The following LMBRD1 variants were observed in gnomAD, a reference collection of about 807,000 sequenced individuals.
LMBRD1 encodes the protein lysosomal cobalamin transport escort protein LMBD1.
In LMBRD1, 64 loss-of-function variants were observed where a neutral mutation model predicts 74.8. That is an observed-to-expected ratio of 0.86 (90% CI 0.70 to 1.05). LMBRD1 has a LOEUF of 1.05. Ranked by LOEUF, LMBRD1 falls within the 50% of genes least tolerant of loss-of-function variation. The pLI, the probability that LMBRD1 is intolerant of heterozygous loss-of-function variation, is 0.00. For missense variants in LMBRD1, 652 were observed against 645.9 expected (o/e 1.01, Z -0.10); for synonymous variants, 204 against 216.3 (o/e 0.94, Z 0.50).
chr6:69,714,592 A>AT (rs1265657414), intron 8 of LMBRD1, among the ~76,000 whole-genome samples: 3 of 152,166 alleles, frequency 2.0e-5, no homozygotes, highest in Non-Finnish European at 4.4e-5. Flanking sequence ...ATAGGATTAC[A>AT]TTTTTAAAGT....
intron 3 of LMBRD1, among the ~76,000 whole-genome samples, chr6:69,777,936 T>G (rs887264224): frequency 1.3e-5 from 2 of 152,202 alleles, no homozygotes; most frequent in Non-Finnish European, 2.9e-5. Flanking sequence ...TTAGATAGTA[T>G]CTAGCATTTG....
At chr6:69,786,613 A>G (rs989259260) in intron 2 of LMBRD1, among the ~76,000 whole-genome samples, 1 of 152,182 alleles carries the variant, frequency 6.6e-6, no homozygotes, top group Non-Finnish European at 1.5e-5. Context: ...TCTGTTATCT[A>G]AAAAGTTAAT....
intron 9 of LMBRD1, among the ~76,000 whole-genome samples, chr6:69,707,824 A>C (rs959214754): frequency 6.6e-6 from 1 of 152,140 alleles, no homozygotes; most frequent in African/African-American, 2.4e-5. Context: ...ATCACTAGGG[A>C]ATGGAGAATT....
At chr6:69,735,898 T>A (rs1766966832) in intron 7 of LMBRD1, among the ~76,000 whole-genome samples, 1 of 152,236 alleles carries the variant, frequency 6.6e-6, no homozygotes, top group Non-Finnish European at 1.5e-5. Context: ...CCTTGTCAAC[T>A]GAATTCCAGC....
At chr6:69,708,065 A>G (rs1016993983) in intron 9 of LMBRD1, among the ~76,000 whole-genome samples, 1 of 152,198 alleles carries the variant, frequency 6.6e-6, no homozygotes, top group African/African-American at 2.4e-5. Context: ...AGAAGTATAT[A>G]TAGTAAAATC....
At chr6:69,745,275 G>A (rs189011751) in intron 5 of LMBRD1, among the ~76,000 whole-genome samples, 396 of 140,138 alleles carry the variant, frequency 2.8e-3, no homozygotes, top group Admixed American at 4.6e-3. Flanking sequence ...TTTTTGAGAC[G>A]GAGTCTCGCT....
rs147332780 is a variant in LMBRD1 at position 69,678,140 on chromosome 6, T to C, written c.1418-1599A>G. 4.6e-5 allele frequency among the ~76,000 whole-genome samples: 7 copies of C among 152,286 alleles called. No individual in the cohort carries two copies. In the East Asian group the frequency reaches 1.2e-3, roughly 25 times the overall value. On this transcript the variant is annotated intron_variant, in intron 14 of 15. Coordinates refer to ENST00000649934, the MANE Select transcript of LMBRD1 (RefSeq NM_018368.4). The stretch of plus-strand genomic sequence containing the variant: ...CCTTACTGATAACACGAACTATAGA[T>C]TGACACATATTTTGTATGTTATGTA...
In LMBRD1 at chr6:69,739,055, C is replaced by T. The variant is rs545382796; in HGVS notation, c.563-1040G>A. On this transcript the variant is annotated intron_variant, in intron 6 of 15. Transcript: ENST00000649934. ...TTATCAAATCAAAGACATTTTGATG[C>T]TGTTACTTTACTGATCATACCAGAA... is the stretch of plus-strand genomic sequence containing the variant. Among the ~76,000 whole-genome samples the T allele has an allele frequency of 2.6e-5, 4 of 152,184 alleles. No homozygotes were observed. In the South Asian group the frequency reaches 8.3e-4, roughly 32 times the overall value.
intron 2 of LMBRD1, among the ~76,000 whole-genome samples, chr6:69,785,694 C>G (rs1765930119): frequency 6.6e-6 from 1 of 152,248 alleles, no homozygotes. Context: ...TAGCACCACT[C>G]TAGCCCAAGT....
chr6:69,702,858 A>AT lies in LMBRD1; in HGVS notation c.916-906dup, dbSNP rs199562361. ...TTATGAAATCATGAATGGTAGGGAG[A>AT]TTTTTTCATCTTATTTCACAGGACT... On this transcript the variant is annotated intron_variant, in intron 9 of 15. Transcript: ENST00000649934. Among the ~76,000 whole-genome samples, 975 of 152,118 alleles carry AT rather than the reference A, an allele frequency of 6.4e-3. 14 individuals carry two copies. The highest frequency in any genetic ancestry group is 0.02 in the African/African-American group (837 of 41,498).
intron 9 of LMBRD1, among the ~76,000 whole-genome samples, chr6:69,712,442 T>TC (rs34029864): frequency 0.05 from 1,757 of 35,374 alleles, 57 homozygotes; most frequent in Admixed American, 0.23. Context: ...GTTCCTATGT[T>TC]TTTTTTTTTT....
intron 14 of LMBRD1, among the ~76,000 whole-genome samples, chr6:69,689,682 A>G (rs1211335353): frequency 6.6e-6 from 1 of 152,166 alleles, no homozygotes; most frequent in Non-Finnish European, 1.5e-5. Context: ...GCATAGAGGC[A>G]TGGAAATATT....
chr6:69,765,311 C>CA (rs1454001913), intron 3 of LMBRD1, among the ~76,000 whole-genome samples: 18 of 151,464 alleles, frequency 1.2e-4, no homozygotes, highest in Admixed American at 9.2e-4. Flanking sequence ...AGGTAAGGCT[C>CA]AAAAAAAATC....
intron 5 of LMBRD1, among the ~76,000 whole-genome samples, chr6:69,748,148 A>ATGTATTGTCTATG (rs1562110819): frequency 1.3e-5 from 2 of 152,226 alleles, no homozygotes; most frequent in Non-Finnish European, 2.9e-5. Context: ...TTCTTTGTTT[A>ATGTATTGTCTATG]TGTATTGTCT....
At chr6:69,698,517 C>T (rs1399164785) in intron 13 of LMBRD1, among the ~76,000 whole-genome samples, 1 of 151,888 alleles carries the variant, frequency 6.6e-6, no homozygotes, top group Non-Finnish European at 1.5e-5. Flanking sequence ...TCAGAAAATC[C>T]AAACTTACTG....
chr6:69,787,363 T>C (rs942723776), intron 2 of LMBRD1, among the ~76,000 whole-genome samples: 2 of 152,070 alleles, frequency 1.3e-5, no homozygotes, highest in South Asian at 4.1e-4. Context: ...ACACACAGAA[T>C]GTTTCAAGGT....
chr6:69,770,251 T>G (rs1267787180), intron 3 of LMBRD1, among the ~76,000 whole-genome samples: 4 of 152,182 alleles, frequency 2.6e-5, no homozygotes, highest in African/African-American at 7.2e-5. Flanking sequence ...AGTACAGCTG[T>G]AGGTCCTCCC....
intron 5 of LMBRD1, among the ~76,000 whole-genome samples, chr6:69,742,081 C>T (rs954696657): frequency 1.3e-5 from 2 of 151,976 alleles, no homozygotes; most frequent in Non-Finnish European, 2.9e-5. Context: ...AAATTAGTTT[C>T]CTTTGTAATC....
intron 4 of LMBRD1, 110 bp from the exon 5 acceptor site, chr6:69,749,518 T>C (rs1765073919): frequency 1.2e-6 from 1 of 823,054 alleles, no homozygotes; most frequent in Non-Finnish European, 2.0e-6. Context: ...TTACACTCAA[T>C]ATTGAAACTA....
Sources: allele counts gnomAD v4.1 joint callset (sites outside exome capture counted in the v4.1 genomes callset), GRCh38; gene constraint gnomAD v4.1.1; transcripts MANE v1.5; gene names NCBI Gene and HGNC (gene_info 2026-07-23, HGNC 2026-07-21).